Variants in CLTC observed in about 807,000 individuals in gnomAD.
CLTC encodes clathrin heavy chain, also known as clathrin heavy chain 1.
In CLTC, 16 loss-of-function variants were observed where a neutral mutation model predicts 195.8. That is an observed-to-expected ratio of 0.08 (90% confidence interval 0.06 to 0.12). The LOEUF (loss-of-function observed/expected upper bound fraction) is 0.12, where lower values mean the gene tolerates loss of function less well. Among genes scored for constraint, CLTC ranks in the 10% least tolerant of loss-of-function variants. CLTC has a pLI of 1.00. For synonymous variants in CLTC, 667 were observed against 689.4 expected (o/e 0.97, Z 0.51); for missense variants, 796 against 2,027.0 (o/e 0.39, Z 11.66).
intron 16 of CLTC, 49 bp downstream of exon 16, chr17:59,674,892 A>G (rs773905296): frequency 9.7e-6 from 15 of 1,539,452 alleles, no homozygotes; most frequent in Non-Finnish European, 1.3e-5. Context: ...TAACATGGCA[A>G]TAGATAAAAA....
chr17:59,687,185 G>A (rs2033203075), intron 30 of CLTC: 1 of 180,838 alleles, frequency 5.5e-6, no homozygotes, highest in Non-Finnish European at 1.1e-5. Flanking sequence ...TAATAGAGCT[G>A]TAGGACATTA....
At chr17:59,663,263 A>G (rs565480085) in intron 8 of CLTC, among the ~76,000 whole-genome samples, 6 of 152,320 alleles carry the variant, frequency 3.9e-5, no homozygotes, top group East Asian at 1.9e-4. Context: ...CACAGAAGAC[A>G]GTATCTGCCT....
At chr17:59,636,072 T>A (rs1232737027) in intron 1 of CLTC, among the ~76,000 whole-genome samples, 1 of 151,050 alleles carries the variant, frequency 6.6e-6, no homozygotes, top group Non-Finnish European at 1.5e-5. Flanking sequence ...AGGTGGAGGT[T>A]GCTGTGAGCC....
intron 1 of CLTC, among the ~76,000 whole-genome samples, chr17:59,627,659 C>T (rs1030578224): frequency 5.3e-5 from 8 of 152,086 alleles, no homozygotes; most frequent in African/African-American, 1.9e-4. Context: ...TGACTTTATG[C>T]CTTGAATGAT....
chr17:59,687,465 A>C (rs1247513398), intron 30 of CLTC, among the ~76,000 whole-genome samples: 1 of 151,096 alleles, frequency 6.6e-6, no homozygotes, highest in Non-Finnish European at 1.5e-5. Context: ...GTATATATAC[A>C]TGCCCTAAAA....
intron 1 of CLTC, among the ~76,000 whole-genome samples, chr17:59,622,869 A>T (rs1204114601): frequency 6.6e-6 from 1 of 152,194 alleles, no homozygotes; most frequent in Non-Finnish European, 1.5e-5. Context: ...ACATTGTCCA[A>T]CTGAAGGATC....
chr17:59,644,550 G>GTT (rs2032137372), intron 2 of CLTC, 67 bp downstream of exon 2: 1 of 1,206,328 alleles, frequency 8.3e-7, no homozygotes, highest in African/African-American at 1.6e-5. Flanking sequence ...TTTTTTTTTT[G>GTT]TTTGTTTGTT....
intron 31 of CLTC, among the ~76,000 whole-genome samples, chr17:59,693,323 C>T (rs1219781260): frequency 4.0e-5 from 6 of 150,494 alleles, no homozygotes; most frequent in African/African-American, 1.5e-4. Flanking sequence ...GCCGAGATTA[C>T]ACAACTGCAC....
At chr17:59,641,398 C>G (rs192722186) in intron 1 of CLTC, among the ~76,000 whole-genome samples, 1 of 151,572 alleles carries the variant, frequency 6.6e-6, no homozygotes, top group Non-Finnish European at 1.5e-5. Context: ...GTCAGGAGAT[C>G]GAGACCATCC....
intron 28 of CLTC, chr17:59,684,226 AAC>A (rs2033132882): frequency 4.7e-6 from 2 of 421,094 alleles, no homozygotes; most frequent in Non-Finnish European, 8.5e-6. Context: ...CTTTATCTCT[AAC>A]ATCTAGATTG....
chr17:59,629,376 A>G (rs994592027), intron 1 of CLTC, among the ~76,000 whole-genome samples: 1 of 152,162 alleles, frequency 6.6e-6, no homozygotes, highest in Non-Finnish European at 1.5e-5. Context: ...CTTGAAATCA[A>G]CTGGATTAGT....
chr17:59,628,213 ACT>A (rs1430295255), intron 1 of CLTC, among the ~76,000 whole-genome samples: 4 of 151,604 alleles, frequency 2.6e-5, no homozygotes, highest in Non-Finnish European at 4.4e-5. Flanking sequence ...ACATTAAAAA[ACT>A]CTGCAGTGTG....
intron 1 of CLTC, among the ~76,000 whole-genome samples, chr17:59,625,367 T>C (rs553889913): frequency 1.3e-5 from 2 of 152,170 alleles, no homozygotes; most frequent in South Asian, 4.1e-4. Context: ...CCTCGTGAAA[T>C]GCCTGCCTCG....
chr17:59,667,079 G>C (rs765420893), intron 13 of CLTC, 102 bp downstream of exon 13: 10 of 837,994 alleles, frequency 1.2e-5, no homozygotes, highest in Admixed American at 3.0e-5. Flanking sequence ...CTAAAAATTT[G>C]GTTCTATGGG....
At chr17:59,690,521 C>T (rs1351189555) in intron 30 of CLTC, 115 bp from the exon 31 acceptor site, 1 of 669,724 alleles carries the variant, frequency 1.5e-6, no homozygotes, top group East Asian at 2.7e-5. Flanking sequence ...AATGTTCTTT[C>T]TAGTCTGTTT....
chr17:59,650,034 G>A (rs1329689913), intron 4 of CLTC, among the ~76,000 whole-genome samples: 1 of 152,128 alleles, frequency 6.6e-6, no homozygotes, highest in Non-Finnish European at 1.5e-5. Flanking sequence ...AAGATACCAA[G>A]TTTTTCAGTA....
rs1311049166 is a variant in CLTC at position 59,620,103 on chromosome 17, A to T, written c.-29A>T. 1.9e-6 allele frequency: 3 copies of T among 1,613,346 alleles called. No homozygotes were observed. Among genetic ancestry groups the T allele is most frequent in the Non-Finnish European group, 2.5e-6 (3 of 1,179,562 alleles). ...GCCACTGCCCCGCAGCCCCAGTGAC[A>T]GGAGGAGACCATAACCCCCGACAGC... is the stretch of plus-strand genomic sequence containing the variant. On this transcript the variant is annotated 5_prime_UTR_variant, in exon 1 of 32. Coordinates refer to ENST00000269122, the MANE Select transcript of CLTC (RefSeq NM_004859.4).
intron 6 of CLTC, among the ~76,000 whole-genome samples, chr17:59,658,993 T>C (rs993729004): frequency 3.9e-5 from 6 of 152,242 alleles, no homozygotes; most frequent in African/African-American, 1.4e-4. Context: ...CCTATCTATC[T>C]ATTTGGTTCA....
At position 59,666,344 on chromosome 17, in the gene CLTC, T is replaced by C. The variant is rs2032732075; in HGVS notation, c.1782+104T>C. 10 of 1,487,132 alleles carry C rather than the reference T, an allele frequency of 6.7e-6. No homozygotes were observed. In the South Asian group the frequency reaches 7.4e-5, roughly 11 times the overall value. 92.1% of individuals were successfully genotyped at this position (1,487,132 alleles called of 1,614,324 possible). ...AAGCTACTGAGGGGCCTACTCCTTA[T>C]TAAAGAAAATGTAGCTATTATAATA... is the stretch of plus-strand genomic sequence containing the variant. On this transcript the variant is annotated intron_variant, in intron 11 of 31. Coordinates refer to ENST00000269122, the MANE Select transcript of CLTC (RefSeq NM_004859.4). The surrounding 1 kb of genome is among the most constrained non-coding windows in gnomAD (Gnocchi z 4.9).
Sources: allele counts gnomAD v4.1 joint callset (sites outside exome capture counted in the v4.1 genomes callset), GRCh38; gene constraint gnomAD v4.1.1; non-coding constraint Gnocchi (gnomAD v3.1); transcripts MANE v1.5; gene names NCBI Gene and HGNC (gene_info 2026-07-23, HGNC 2026-07-21).